The following DLGAP2 variants were observed in gnomAD, a reference collection of about 807,000 sequenced individuals.
The protein encoded by DLGAP2 is DLG associated protein 2, also known as disks large-associated protein 2.
In DLGAP2, 26 loss-of-function variants were observed where a neutral mutation model predicts 100.3. The ratio of observed to expected loss-of-function variants is 0.26; its 90% CI spans 0.19 to 0.36. DLGAP2 has a LOEUF of 0.36. Among genes scored for constraint, DLGAP2 ranks in the 10% least tolerant of loss-of-function variants. The pLI, the probability that DLGAP2 is intolerant of heterozygous loss-of-function variation, is 1.00. For synonymous variants in DLGAP2, 886 were observed against 630.1 expected (o/e 1.41, Z -6.08); for missense variants, 1,858 against 1,453.2 (o/e 1.28, Z -4.53).
chr8:1,178,991 C>G (rs1020861616), intron 2 of DLGAP2, among the ~76,000 whole-genome samples: 2 of 152,196 alleles, frequency 1.3e-5, no homozygotes, highest in Non-Finnish European at 2.9e-5. Context: ...CTTTAGGTCC[C>G]TACAGATTAA....
intron 4 of DLGAP2, among the ~76,000 whole-genome samples, chr8:1,529,409 G>T (rs1300945967): frequency 6.6e-6 from 1 of 152,196 alleles, no homozygotes; most frequent in African/African-American, 2.4e-5. Context: ...ACCTTCTTAT[G>T]ATGTCTTTCA....
rs547707125 is a variant in DLGAP2, at chr8:1,064,144, G to A, written c.73+156178G>A. Among the ~76,000 whole-genome samples the A allele has an allele frequency of 7.9e-5, 12 of 152,226 alleles. No individual in the cohort carries two copies. The South Asian group carries it at 1.5e-3, about 18-fold the overall frequency. On this transcript the variant is annotated intron_variant, in intron 2 of 14. Coordinates refer to ENST00000637795, the MANE Select transcript of DLGAP2 (RefSeq NM_001346810.2). ...GGGACAATCCAATGGCTGGTGGGGC[G>A]GTGTGGGACTATTTTACTAAGTTTA...
chr8:1,308,184 A>G (rs2117010096), intron 3 of DLGAP2, among the ~76,000 whole-genome samples: 1 of 152,372 alleles, frequency 6.6e-6, no homozygotes, highest in South Asian at 2.1e-4. Flanking sequence ...GCCTCAGGAC[A>G]GAACGCCTGC....
chr8:1,183,091 C>T (rs1021506152), intron 2 of DLGAP2, among the ~76,000 whole-genome samples: 6 of 152,046 alleles, frequency 3.9e-5, no homozygotes, highest in Non-Finnish European at 7.4e-5. Context: ...GCTGGGATGA[C>T]ACAAATGCAT....
chr8:1,437,286 C>T (rs1004828677), intron 3 of DLGAP2, among the ~76,000 whole-genome samples: 1 of 152,256 alleles, frequency 6.6e-6, no homozygotes, highest in Admixed American at 6.5e-5. Flanking sequence ...TCAGCCCAGG[C>T]ATGCAGGCGC....
intron 3 of DLGAP2, among the ~76,000 whole-genome samples, chr8:1,339,945 G>T (rs1040764535): frequency 6.6e-6 from 1 of 152,204 alleles, no homozygotes; most frequent in African/African-American, 2.4e-5. Flanking sequence ...AGCTAGTATC[G>T]TGATCTTGCT....
intron 2 of DLGAP2, among the ~76,000 whole-genome samples, chr8:1,026,777 C>T (rs1380414749): frequency 2.6e-5 from 4 of 152,170 alleles, no homozygotes; most frequent in African/African-American, 9.7e-5. Context: ...ATCAGTGCTA[C>T]GTATTCTATG....
At chr8:1,351,787 G>A (rs1801733602) in intron 3 of DLGAP2, among the ~76,000 whole-genome samples, 1 of 82,638 alleles carries the variant, frequency 1.2e-5, no homozygotes, top group African/African-American at 4.1e-5. Flanking sequence ...GGTCCTGACT[G>A]TGTGTGGAAA....
intron 2 of DLGAP2, among the ~76,000 whole-genome samples, chr8:1,205,934 C>G (rs752651151): frequency 7.9e-5 from 12 of 152,180 alleles, no homozygotes; most frequent in Non-Finnish European, 1.6e-4. Flanking sequence ...AGGAGGATCA[C>G]TTGAGCCCAG....
intron 2 of DLGAP2, among the ~76,000 whole-genome samples, chr8:1,191,113 C>T (rs1025699494): frequency 6.6e-6 from 1 of 151,734 alleles, no homozygotes; most frequent in Non-Finnish European, 1.5e-5. Context: ...CGTGGGATGT[C>T]TTGCAATACA....
chr8:823,502 A>C (rs2132689615), intron 1 of DLGAP2, among the ~76,000 whole-genome samples: 1 of 152,266 alleles, frequency 6.6e-6, no homozygotes, highest in African/African-American at 2.4e-5. Flanking sequence ...GTGTTTAAGC[A>C]GAAGATAACT....
At chr8:1,380,070 G>T (rs1796056952) in intron 3 of DLGAP2, 1 of 152,210 alleles carries the variant, frequency 6.6e-6, no homozygotes, top group Non-Finnish European at 1.5e-5. Flanking sequence ...TGTGTCCTTG[G>T]GGCAGGGGCT....
chr8:1,056,079 G>A (rs749651908), intron 2 of DLGAP2, among the ~76,000 whole-genome samples: 25 of 152,214 alleles, frequency 1.6e-4, no homozygotes, highest in Non-Finnish European at 2.9e-4. Context: ...TCACCACTGA[G>A]TAAGCATTCA....
chr8:1,100,233 C>T (rs1334445271), intron 2 of DLGAP2, among the ~76,000 whole-genome samples: 2 of 149,692 alleles, frequency 1.3e-5, no homozygotes, highest in East Asian at 4.1e-4. Context: ...AACCTTTGTC[C>T]AGCATGTCCA....
At chr8:969,392 C>T (rs567711068) in intron 2 of DLGAP2, among the ~76,000 whole-genome samples, 5 of 152,160 alleles carry the variant, frequency 3.3e-5, no homozygotes, top group Non-Finnish European at 5.9e-5. Context: ...TCTCTCTACA[C>T]GTGCACAGCC....
intron 3 of DLGAP2, among the ~76,000 whole-genome samples, chr8:1,340,414 AAAC>A (rs1480123067): frequency 2.6e-5 from 4 of 152,244 alleles, no homozygotes; most frequent in Non-Finnish European, 4.4e-5. Context: ...AAAAGCGGAC[AAAC>A]AACAGGAACA....
intron 2 of DLGAP2, among the ~76,000 whole-genome samples, chr8:1,109,625 C>T (rs71512871): frequency 0.31 from 397 of 1,290 alleles, 21 homozygotes; most frequent in Non-Finnish European, 0.34. Context: ...GAGGTGTGCA[C>T]GGGTCTGTGA....
At chr8:1,115,581 A>G (rs1355805755) in intron 2 of DLGAP2, among the ~76,000 whole-genome samples, 1 of 152,224 alleles carries the variant, frequency 6.6e-6, no homozygotes, top group Admixed American at 6.5e-5. Flanking sequence ...GTAGAAATTT[A>G]AATGATCTAA....
chr8:1,157,879 G>T (rs1268354822), intron 2 of DLGAP2, among the ~76,000 whole-genome samples: 1 of 152,186 alleles, frequency 6.6e-6, no homozygotes, highest in Admixed American at 6.5e-5. Context: ...GATGCTGCCG[G>T]TGTTCCGTCT....
Sources: gnomAD v4.1 joint callset for allele counts (sites outside exome capture counted in the v4.1 genomes callset) on GRCh38, gnomAD v4.1.1 for gene constraint, MANE v1.5 for transcripts, NCBI Gene and HGNC (gene_info 2026-07-23, HGNC 2026-07-21) for gene names.